FBXL17: variants seen among roughly 807,000 people sequenced by gnomAD.
The protein encoded by FBXL17 is F-box and leucine rich repeat protein 17, also known as F-box/LRR-repeat protein 17.
Under a neutral mutation model 66.2 loss-of-function variants are expected in FBXL17, and 22 were observed. The ratio of observed to expected loss-of-function variants is 0.33; its 90% CI spans 0.24 to 0.47. The LOEUF (loss-of-function observed/expected upper bound fraction) is 0.47, where lower values mean the gene tolerates loss of function less well. Among genes scored for constraint, FBXL17 ranks in the 20% least tolerant of loss-of-function variants. The pLI is 1.00. For missense variants in FBXL17, 878 were observed against 948.2 expected (o/e 0.93, Z 0.97); for synonymous variants, 474 against 400.5 (o/e 1.18, Z -2.19).
intron 3 of FBXL17, 44 bp from the exon 4 acceptor site, chr5:108,348,574 G>A (rs775948720): frequency 3.2e-6 from 5 of 1,572,294 alleles, no homozygotes; most frequent in Admixed American, 3.5e-5. Context: ...AAATAACAAA[G>A]GCAACATATT....
intron 7 of FBXL17, among the ~76,000 whole-genome samples, chr5:107,918,892 C>G (rs1254470882): frequency 6.6e-6 from 1 of 152,164 alleles, no homozygotes; most frequent in Non-Finnish European, 1.5e-5. Context: ...TCCAGGGAAG[C>G]CATGCATGAG....
intron 6 of FBXL17, among the ~76,000 whole-genome samples, chr5:108,090,974 T>C (rs1339222438): frequency 1.3e-5 from 2 of 152,246 alleles, no homozygotes; most frequent in Non-Finnish European, 2.9e-5. Context: ...ATTTAACTTG[T>C]GCCACTAAGT....
chr5:108,311,004 T>A (rs138734140), intron 4 of FBXL17, among the ~76,000 whole-genome samples: 1 of 152,086 alleles, frequency 6.6e-6, no homozygotes, highest in Non-Finnish European at 1.5e-5. Context: ...TTGCTTCTAA[T>A]AGACAACAAT....
chr5:108,158,499 GTGTGTGTGTC>G (rs1432983167), intron 6 of FBXL17, among the ~76,000 whole-genome samples: 3 of 113,236 alleles, frequency 2.6e-5, no homozygotes, highest in Admixed American at 1.9e-4. Flanking sequence ...TGGGGCGTGT[GTGTGTGTGTC>G]TGTGTGTGTG....
intron 5 of FBXL17, among the ~76,000 whole-genome samples, chr5:108,200,068 T>C (rs1363624212): frequency 6.6e-6 from 1 of 152,142 alleles, no homozygotes; most frequent in Non-Finnish European, 1.5e-5. Context: ...TCAGTGTTAC[T>C]GGGACCCACA....
chr5:108,121,432 C>G (rs1373843257), intron 6 of FBXL17, among the ~76,000 whole-genome samples: 4 of 151,778 alleles, frequency 2.6e-5, no homozygotes, highest in Non-Finnish European at 4.4e-5. Flanking sequence ...AAAGTCTTGA[C>G]AAAAATGTAA....
At chr5:107,949,194 A>AG (rs1274444934) in intron 7 of FBXL17, among the ~76,000 whole-genome samples, 2 of 151,610 alleles carry the variant, frequency 1.3e-5, no homozygotes, top group Non-Finnish European at 2.9e-5. Flanking sequence ...AAAAAAAAAA[A>AG]AAAGAAAGAA....
chr5:108,014,365 G>A (rs1199814786), intron 7 of FBXL17, among the ~76,000 whole-genome samples: 1 of 152,066 alleles, frequency 6.6e-6, no homozygotes. Flanking sequence ...AAGTTAAGGG[G>A]TAAGCACGCA....
At position 108,381,741 on chromosome 5, in the gene FBXL17, A is replaced by T; in HGVS notation, c.-50T>A. On this transcript the variant is annotated 5_prime_UTR_variant, in exon 1 of 9. Transcript: ENST00000542267. ...CGGGACGGGAGGGAGGGAGACCCAG[A>T]GAGGCGGGCTCCCGGCAGCGGGGCA... The T allele has an allele frequency of 7.2e-7, 1 of 1,381,194 alleles. No individual in the cohort carries two copies. Among genetic ancestry groups the T allele is most frequent in the Non-Finnish European group, 9.3e-7 (1 of 1,073,640 alleles). 85.6% of individuals were successfully genotyped at this position (1,381,194 alleles called of 1,614,324 possible).
chr5:108,054,397 T>C (rs1747604156), intron 6 of FBXL17, among the ~76,000 whole-genome samples: 1 of 152,128 alleles, frequency 6.6e-6, no homozygotes, highest in African/African-American at 2.4e-5. Flanking sequence ...TCATTACTGC[T>C]GGGCAGTGGT....
At chr5:108,114,848 C>T (rs1201961195) in intron 6 of FBXL17, among the ~76,000 whole-genome samples, 2 of 152,100 alleles carry the variant, frequency 1.3e-5, no homozygotes, top group Non-Finnish European at 2.9e-5. Context: ...TGCTCTCAAG[C>T]TGCTGGATAG....
At chr5:108,324,330 T>C (rs190480189) in intron 4 of FBXL17, among the ~76,000 whole-genome samples, 2 of 152,090 alleles carry the variant, frequency 1.3e-5, no homozygotes, top group Admixed American at 1.3e-4. Flanking sequence ...AAAACATGCT[T>C]AGCGACATGA....
chr5:108,187,682 C>G (rs148429567), intron 5 of FBXL17, among the ~76,000 whole-genome samples: 2 of 152,140 alleles, frequency 1.3e-5, no homozygotes, highest in Non-Finnish European at 2.9e-5. Flanking sequence ...CTCAGACTTA[C>G]AACCTTAAGG....
At chr5:108,090,741 G>A (rs1205293090) in intron 6 of FBXL17, among the ~76,000 whole-genome samples, 1 of 151,978 alleles carries the variant, frequency 6.6e-6, no homozygotes, top group African/African-American at 2.4e-5. Flanking sequence ...TAGCATGTGG[G>A]CCATACAAAA....
At chr5:108,362,216 A>C (rs1036809763) in intron 3 of FBXL17, among the ~76,000 whole-genome samples, 2 of 152,132 alleles carry the variant, frequency 1.3e-5, no homozygotes, top group African/African-American at 2.4e-5. Context: ...AAATTTACTA[A>C]TGTAACATTT....
chr5:108,196,009 G>T (rs1211440887), intron 5 of FBXL17, among the ~76,000 whole-genome samples: 1 of 152,028 alleles, frequency 6.6e-6, no homozygotes, highest in Non-Finnish European at 1.5e-5. Flanking sequence ...GGAGCCAGCA[G>T]CACATAAATG....
At chr5:108,372,067 C>A (rs1315354273) in intron 1 of FBXL17, among the ~76,000 whole-genome samples, 3 of 152,208 alleles carry the variant, frequency 2.0e-5, no homozygotes, top group Non-Finnish European at 2.9e-5. Flanking sequence ...CTGTAAGCCT[C>A]TGCACAGCTT....
At chr5:108,079,624 C>T (rs1748688744) in intron 6 of FBXL17, among the ~76,000 whole-genome samples, 1 of 152,112 alleles carries the variant, frequency 6.6e-6, no homozygotes, top group Non-Finnish European at 1.5e-5. Context: ...TTATTAACCT[C>T]TGCTTAAAAA....
chr5:107,986,581 A>G (rs1580288759), intron 7 of FBXL17, among the ~76,000 whole-genome samples: 2 of 151,864 alleles, frequency 1.3e-5, no homozygotes, highest in East Asian at 3.9e-4. Context: ...TACCTACTAA[A>G]ATCAAGTAAA....
Sources: gnomAD v4.1 joint callset for allele counts (sites outside exome capture counted in the v4.1 genomes callset) on GRCh38, gnomAD v4.1.1 for gene constraint, MANE v1.5 for transcripts, NCBI Gene and HGNC (gene_info 2026-07-23, HGNC 2026-07-21) for gene names.